The following PRDM14 variants were observed in gnomAD, a reference collection of about 807,000 sequenced individuals.
The protein encoded by PRDM14 is PR/SET domain 14, also known as PR domain zinc finger protein 14.
Under a neutral mutation model 48.0 loss-of-function variants are expected in PRDM14, and 16 were observed. The observed-to-expected ratio is 0.33, with a 90% CI of 0.23 to 0.51. PRDM14 has a LOEUF of 0.51. Ranked by LOEUF, PRDM14 falls within the 20% of genes least tolerant of loss-of-function variation. PRDM14 has a pLI of 0.97. For synonymous variants in PRDM14, 264 were observed against 276.6 expected (o/e 0.95, Z 0.45); for missense variants, 566 against 719.6 (o/e 0.79, Z 2.44).
At chr8:70,058,549 A>G in intron 6 of PRDM14, 91 bp downstream of exon 6, 2 of 1,097,164 alleles carry the variant, frequency 1.8e-6, no homozygotes, top group Non-Finnish European at 2.8e-6. Context: ...ACAGCCCTGC[A>G]GCTAGCACCT....
intron 5 of PRDM14, among the ~76,000 whole-genome samples, chr8:70,061,167 G>A (rs1805575969): frequency 6.6e-6 from 1 of 152,174 alleles, no homozygotes; most frequent in South Asian, 2.1e-4. Flanking sequence ...GTCCAGGGGT[G>A]TCTATGTGTT....
At chr8:70,070,736 T>C (rs1021814635) in intron 1 of PRDM14, among the ~76,000 whole-genome samples, 6 of 152,186 alleles carry the variant, frequency 3.9e-5, no homozygotes, top group East Asian at 1.9e-4. Flanking sequence ...GCGAAGAGCC[T>C]CGGCGACTGC....
intron 1 of PRDM14, among the ~76,000 whole-genome samples, chr8:70,070,165 C>T (rs909523563): frequency 2.0e-5 from 3 of 152,362 alleles, no homozygotes; most frequent in African/African-American, 7.2e-5. Context: ...TCCAAGCACC[C>T]CTTCCCTAAG....
intron 6 of PRDM14, among the ~76,000 whole-genome samples, chr8:70,056,106 C>T (rs770410577): frequency 5.3e-5 from 8 of 152,184 alleles, no homozygotes; most frequent in African/African-American, 1.7e-4. Context: ...GGAGGGGTGA[C>T]GATGAACATG....
chr8:70,055,688 T>C (rs1805462047), intron 6 of PRDM14, among the ~76,000 whole-genome samples: 1 of 152,194 alleles, frequency 6.6e-6, no homozygotes, highest in African/African-American at 2.4e-5. Flanking sequence ...AAATTTTTTT[T>C]TGTAGAGATG....
chr8:70,061,901 G>A (rs539659539), intron 5 of PRDM14, among the ~76,000 whole-genome samples: 26 of 151,610 alleles, frequency 1.7e-4, no homozygotes, highest in African/African-American at 5.1e-4. Context: ...CAAATAACCC[G>A]CCCACATAGA....
intron 6 of PRDM14, among the ~76,000 whole-genome samples, chr8:70,057,797 A>G (rs1172108110): frequency 2.0e-5 from 3 of 152,224 alleles, no homozygotes; most frequent in Non-Finnish European, 4.4e-5. Context: ...CAAATGCATG[A>G]TAACTGTAAA....
At chr8:70,052,558 C>T (rs1398750966) in intron 7 of PRDM14, among the ~76,000 whole-genome samples, 1 of 151,886 alleles carries the variant, frequency 6.6e-6, no homozygotes, top group Non-Finnish European at 1.5e-5. Context: ...ATCTGGAGGT[C>T]CAGTTTGTAA....
chr8:70,059,173 T>C (rs900966942), intron 5 of PRDM14, among the ~76,000 whole-genome samples: 8 of 152,164 alleles, frequency 5.3e-5, no homozygotes, highest in African/African-American at 1.9e-4. Flanking sequence ...CAGGCTGGTC[T>C]AGAACTCCTG....
intron 6 of PRDM14, among the ~76,000 whole-genome samples, chr8:70,056,781 T>C (rs1394317110): frequency 6.9e-6 from 1 of 144,118 alleles, no homozygotes; most frequent in Non-Finnish European, 1.5e-5. Context: ...ATCATGCCAT[T>C]GTACTCTAGC....
Position 70,069,320 on chromosome 8 carries a change from C to T in PRDM14, c.541G>A (p.Gly181Ser). Reference sequence around the variant, plus strand: ...CCTTCTTGGTTGGAGGGTTTGGGACCATCCTCTGACTGCTTGCTGGGTGAG... The same window carrying T: ...CCTTCTTGGTTGGAGGGTTTGGGACTATCCTCTGACTGCTTGCTGGGTGAG... ...PCSPSKQSED[G>S]PKPSNQEGKS... Residue 181 changes from glycine to serine, a missense_variant, in exon 2 of 8, where the codon GGT (glycine) becomes AGT (serine). This residue lies in a region of PRDM14 where 410 missense variants were observed against 424.6 expected (regional missense o/e 0.97). Coordinates refer to ENST00000276594, the MANE Select transcript of PRDM14 (RefSeq NM_024504.4). 6 of 1,611,196 alleles carry T rather than the reference C, an allele frequency of 3.7e-6. No homozygotes were observed. Among genetic ancestry groups the T allele is most frequent in the Non-Finnish European group, 5.1e-6 (6 of 1,178,576 alleles).
intron 5 of PRDM14, among the ~76,000 whole-genome samples, chr8:70,065,121 G>A (rs1280299033): frequency 6.6e-6 from 1 of 151,760 alleles, no homozygotes; most frequent in African/African-American, 2.4e-5. Flanking sequence ...CTCCTGACCT[G>A]GTGATCTGCC....
Position 70,069,354 on chromosome 8 carries a change from T to C in PRDM14, c.507A>G (p.Leu169=), listed in dbSNP as rs1805725345. The C allele has an allele frequency of 6.2e-7, 1 of 1,611,994 alleles. No individual in the cohort carries two copies. Among genetic ancestry groups the C allele is most frequent in the Admixed American group, 1.7e-5 (1 of 59,744 alleles). The part of the protein sequence containing the change: ...LLPEGLRTSQ[L]LPCSPSKQSE... ...ACTGCTTGCTGGGTGAGCAAGGTAA[T>C]AACTGGGAGGTCCTCAGCCCCTCAG... The change falls in exon 2 of 8, where the codon TTA becomes TTG. Residue 169 remains leucine, a synonymous_variant. Coordinates refer to ENST00000276594, the MANE Select transcript of PRDM14 (RefSeq NM_024504.4).
intron 5 of PRDM14, among the ~76,000 whole-genome samples, chr8:70,065,137 C>T (rs71523169): frequency 0.099 from 15,085 of 151,774 alleles, 1,234 homozygotes; most frequent in East Asian, 0.34. Context: ...CTGCCCATTT[C>T]GGCATCCCAA....
At chr8:70,060,148 C>A (rs1805551872) in intron 5 of PRDM14, among the ~76,000 whole-genome samples, 1 of 149,812 alleles carries the variant, frequency 6.7e-6, no homozygotes, top group South Asian at 2.1e-4. Flanking sequence ...CGCCTATAAT[C>A]CCAACACTCT....
rs1294690798 is a variant in PRDM14, at chr8:70,058,505, TCTC to T, written c.1386+132_1386+134del. On this transcript the variant is annotated intron_variant, in intron 6 of 7. Transcript: ENST00000276594. ...GCCTGCCTGTTCCGTAATACTATCC[TCTC>T]CTCCTTCAGAGAGGGTGTCCGTCAG... The T allele has an allele frequency of 1.1e-5, 8 of 713,526 alleles. 1 individual carries two copies. The Admixed American group carries it at 1.7e-4, about 15-fold the overall frequency. The allele number at this position is 713,526 out of a possible 1,614,324, so 44.2% of individuals were successfully genotyped here.
At chr8:70,056,176 G>A (rs1805468981) in intron 6 of PRDM14, among the ~76,000 whole-genome samples, 1 of 152,216 alleles carries the variant, frequency 6.6e-6, no homozygotes, top group African/African-American at 2.4e-5. Flanking sequence ...CTTGCATGAA[G>A]AGGTTAATAT....
In PRDM14 at chr8:70,058,693, C is replaced by G; in HGVS notation, c.1333G>C (p.Asp445His). 6.2e-7 allele frequency: 1 copy of G among 1,614,128 alleles called. No homozygotes were observed. Among genetic ancestry groups the G allele is most frequent in the Non-Finnish European group, 8.5e-7 (1 of 1,180,016 alleles). Residue 445 changes from aspartate (D) to histidine (H), a missense_variant, in exon 6 of 8, where the codon GAC (aspartate) becomes CAC (histidine). Physicochemically the swap from Asp to His is moderately conservative, Grantham distance 81 (BLOSUM62 -1). Coordinates refer to ENST00000276594, the MANE Select transcript of PRDM14 (RefSeq NM_024504.4). ...TGAAGAATGTGGATCCGAAGCCGGT[C>G]CCGCTTCTCAAAGGATCGTTTGCAG... ...SLCKRSFEKR[D>H]RLRIHILHVH... is the part of the protein sequence containing the mutation.
intron 5 of PRDM14, 76 bp downstream of exon 5, chr8:70,066,159 A>G (rs1805662916): frequency 6.7e-7 from 1 of 1,496,428 alleles, no homozygotes; most frequent in Non-Finnish European, 9.1e-7. Flanking sequence ...GGAGCTGTGC[A>G]TGGAGGGTTT....
Sources: gnomAD v4.1 joint callset for allele counts (sites outside exome capture counted in the v4.1 genomes callset) on GRCh38, gnomAD v4.1.1 for gene constraint, gnomAD v4.1.1 regional missense constraint, MANE v1.5 for transcripts, NCBI Gene and HGNC (gene_info 2026-07-23, HGNC 2026-07-21) for gene names.